The following SYNGR4 variants were observed in gnomAD, a reference collection of about 807,000 sequenced individuals.
SYNGR4 encodes the protein synaptogyrin-4.
Under a neutral mutation model 15.5 loss-of-function variants are expected in SYNGR4, and 15 were observed. The observed-to-expected ratio is 0.97, with a 90% CI of 0.65 to 1.49. The LOEUF is 1.49. SYNGR4 is among the 40% of genes most tolerant of loss of function. The pLI is 0.00. For synonymous variants in SYNGR4, 121 were observed against 127.4 expected (o/e 0.95, Z 0.34); for missense variants, 292 against 299.3 (o/e 0.98, Z 0.18).
chr19:48,364,849 G>T (rs1008250130), intron 1 of SYNGR4, among the ~76,000 whole-genome samples: 11 of 151,794 alleles, frequency 7.2e-5, no homozygotes, highest in African/African-American at 2.7e-4. Context: ...CTCACAGAAG[G>T]ACCCAGTCCC....
intron 1 of SYNGR4, 64 bp from the exon 2 acceptor site, chr19:48,365,672 G>A (rs1392202517): frequency 5.1e-5 from 27 of 527,828 alleles, no homozygotes; most frequent in African/African-American, 4.9e-4. Flanking sequence ...CCAATCCTGG[G>A]GCCCCCAACA....
At chr19:48,370,797 C>T (rs1376091312) in intron 2 of SYNGR4, among the ~76,000 whole-genome samples, 1 of 152,160 alleles carries the variant, frequency 6.6e-6, no homozygotes, top group Non-Finnish European at 1.5e-5. Flanking sequence ...GCCAACACTG[C>T]CACTTCCAAT....
chr19:48,364,805 C>G (rs890146393), intron 1 of SYNGR4, among the ~76,000 whole-genome samples: 2 of 151,928 alleles, frequency 1.3e-5, no homozygotes, highest in Non-Finnish European at 2.9e-5. Context: ...AATGGCCGCA[C>G]CCCCTAGTCC....
rs2147413068 is a variant in SYNGR4 at position 48,375,892 on chromosome 19, C to T, written c.471+140C>T. ...GGGTTCCCCCAGGACTCCACTGGTC[C>T]CTTCCAGGTGCCGCTTCCTCTGAGC... On this transcript the variant is annotated intron_variant, in intron 4 of 4. Coordinates refer to ENST00000344846, the MANE Select transcript of SYNGR4 (RefSeq NM_012451.4). 1.7e-5 allele frequency: 25 copies of T among 1,513,690 alleles called. 1 individual carries two copies. The South Asian group carries it at 3.2e-4, about 19-fold the overall frequency. 93.8% of individuals were successfully genotyped at this position (1,513,690 alleles called of 1,614,324 possible). A position where few individuals can be genotyped will look rare whatever the true frequency, so the allele number is the denominator to read the frequency against.
rs775640764 is a variant in SYNGR4, at chr19:48,373,547, C to T, written c.124C>T (p.Leu42=). The T allele has an allele frequency of 1.2e-6, 2 of 1,613,674 alleles. No individual in the cohort carries two copies. Among genetic ancestry groups the T allele is most frequent in the South Asian group, 1.1e-5 (1 of 91,092 alleles). The change falls in exon 3 of 5, where the codon CTG becomes TTG. Residue 42 remains leucine, a synonymous_variant. Transcript: ENST00000344846. ...CTCCCTGATCGTCTTCTCCTCCCTG[C>T]TGACCGACGGCTACCAGAACAAGAT... ...VFSLIVFSSL[L]TDGYQNKMES...
At chr19:48,368,377 T>G (rs1350949311) in intron 2 of SYNGR4, among the ~76,000 whole-genome samples, 1 of 152,164 alleles carries the variant, frequency 6.6e-6, no homozygotes, top group Non-Finnish European at 1.5e-5. Flanking sequence ...CTTAGTGATT[T>G]TTTTTTCTTT....
chr19:48,365,594 G>A, intron 1 of SYNGR4, 142 bp from the exon 2 acceptor site: 2 of 510,474 alleles, frequency 3.9e-6, no homozygotes, highest in South Asian at 2.1e-5. Context: ...ACTCCTAAGA[G>A]GCTCAGCAGT....
rs771565950 is a variant in SYNGR4, at chr19:48,365,867, G to A, written c.25G>A (p.Glu9Lys). 2.5e-6 allele frequency: 4 copies of A among 1,613,910 alleles called. No homozygotes were observed. The East Asian group carries it at 8.9e-5, about 36-fold the overall frequency. The stretch of plus-strand genomic sequence containing the variant: ...CATGCACATCCCCAAAAGCCTCCAG[G>A]AGCTGGCCAACAGCGAAGCCGTGCA... MHIPKSLQ[E>K]LANSEAVQFL... The change falls in exon 2 of 5, where the codon GAG (glutamate) becomes AAG (lysine). Residue 9 changes from glutamate to lysine, a missense_variant. Glu to Lys is a moderately conservative substitution (Grantham distance 56). Transcript: ENST00000344846.
chr19:48,375,505 C>T lies in SYNGR4; in HGVS notation c.332-108C>T, dbSNP rs180998257. Reference sequence around the variant, plus strand: ...ATAAAAAAAGTATTTTTCAATACCTCGTGGAAGTTCGTGCAGCAAGACCAC... The same window carrying T: ...ATAAAAAAAGTATTTTTCAATACCTTGTGGAAGTTCGTGCAGCAAGACCAC... On this transcript the variant is annotated intron_variant, in intron 3 of 4. Coordinates refer to ENST00000344846, the MANE Select transcript of SYNGR4 (RefSeq NM_012451.4). The T allele has an allele frequency of 1.4e-5, 20 of 1,391,748 alleles. No individual in the cohort carries two copies. In the African/African-American group the frequency reaches 2.5e-4, roughly 17 times the overall value. 86.2% of individuals were successfully genotyped at this position (1,391,748 alleles called of 1,614,324 possible).
In SYNGR4 at chr19:48,376,163, G is replaced by A. The variant is rs141678741; in HGVS notation, c.550G>A (p.Gly184Ser). 1,047 of 1,614,090 alleles carry A rather than the reference G, an allele frequency of 6.5e-4. 4 individuals carry two copies. Among genetic ancestry groups the A allele is most frequent in the Non-Finnish European group, 8.1e-4 (952 of 1,180,012 alleles). ...VPYKRFLDEGGMVLTTLPLPS... is the reference protein window; with the variant it reads ...VPYKRFLDEGSMVLTTLPLPS... ...TTACAAGCGCTTCCTGGATGAGGGT[G>A]GCATGGTGCTGACCACCCTCCCCTT... Residue 184 changes from glycine to serine, a missense_variant, in exon 5 of 5, where the codon GGC (glycine) becomes AGC (serine). Physicochemically the swap from Gly to Ser is moderately conservative, Grantham distance 56. Transcript: ENST00000344846.
intron 3 of SYNGR4, among the ~76,000 whole-genome samples, chr19:48,374,583 A>C (rs533637107): frequency 6.6e-6 from 1 of 152,294 alleles, no homozygotes; most frequent in African/African-American, 2.4e-5. Flanking sequence ...CATCGAATCT[A>C]GTGCTGTGCA....
chr19:48,367,129 CAA>C (rs757577850), intron 2 of SYNGR4, among the ~76,000 whole-genome samples: 25 of 87,022 alleles, frequency 2.9e-4, no homozygotes, highest in East Asian at 9.6e-4. Context: ...GACTCTGTCT[CAA>C]AAAAAAAAAA....
At chr19:48,374,231 CCA>C in intron 3 of SYNGR4, among the ~76,000 whole-genome samples, 1 of 152,072 alleles carries the variant, frequency 6.6e-6, no homozygotes, top group South Asian at 2.1e-4. Flanking sequence ...GCGCACACCA[CCA>C]CACCCGGCTA....
At chr19:48,370,388 T>C (rs1310221184) in intron 2 of SYNGR4, among the ~76,000 whole-genome samples, 1 of 151,692 alleles carries the variant, frequency 6.6e-6, no homozygotes, top group Non-Finnish European at 1.5e-5. Flanking sequence ...GAGGCTGAGG[T>C]GGGAGGATTG....
At chr19:48,374,828 T>C (rs1357622781) in intron 3 of SYNGR4, among the ~76,000 whole-genome samples, 1 of 151,718 alleles carries the variant, frequency 6.6e-6, no homozygotes, top group East Asian at 2.0e-4. Flanking sequence ...ATACAAAAAT[T>C]AGCTGGGCAG....
chr19:48,375,882 TC>T (rs1479225445), intron 4 of SYNGR4, 130 bp downstream of exon 4: 3 of 1,515,510 alleles, frequency 2.0e-6, no homozygotes, highest in Non-Finnish European at 2.6e-6. Flanking sequence ...CCCCCAGGAC[TC>T]CACTGGTCCC....
rs188189059 is a variant in SYNGR4, at chr19:48,375,471, T to C, written c.332-142T>C. On this transcript the variant is annotated intron_variant, in intron 3 of 4. Coordinates refer to ENST00000344846, the MANE Select transcript of SYNGR4 (RefSeq NM_012451.4). ...ATGACTTGTGGGAGATGTGTCAACATAGAAGCTAATAAAAAAAGTATTTTT... is the reference window on the plus strand; with the variant it reads ...ATGACTTGTGGGAGATGTGTCAACACAGAAGCTAATAAAAAAAGTATTTTT... The C allele has an allele frequency of 6.7e-6, 7 of 1,047,396 alleles. No individual in the cohort carries two copies. In the Admixed American group the frequency reaches 7.7e-5, roughly 11 times the overall value. 64.9% of individuals were successfully genotyped at this position (1,047,396 alleles called of 1,614,324 possible). A position where few individuals can be genotyped will look rare whatever the true frequency, so the allele number is the denominator to read the frequency against.
chr19:48,365,669 TG>T, intron 1 of SYNGR4, 66 bp from the exon 2 acceptor site: 1 of 63,788 alleles, frequency 1.6e-5, no homozygotes, highest in South Asian at 1.1e-4. Flanking sequence ...CCCCCAATCC[TG>T]GGGCCCCCAA....
intron 2 of SYNGR4, among the ~76,000 whole-genome samples, chr19:48,368,755 C>T (rs1395250581): frequency 1.3e-5 from 2 of 152,316 alleles, no homozygotes; most frequent in Non-Finnish European, 2.9e-5. Context: ...GATTTGTGTC[C>T]GTTGTCCTCC....
Sources: allele counts gnomAD v4.1 joint callset (sites outside exome capture counted in the v4.1 genomes callset), GRCh38; gene constraint gnomAD v4.1.1; transcripts MANE v1.5; gene names NCBI Gene and HGNC (gene_info 2026-07-23, HGNC 2026-07-21).